NRXN3: variants seen among roughly 807,000 people sequenced by gnomAD.
NRXN3 encodes neurexin III.
Under a neutral mutation model 137.6 loss-of-function variants are expected in NRXN3, and 32 were observed. That is an observed-to-expected ratio of 0.23 (90% CI 0.18 to 0.31). The LOEUF (loss-of-function observed/expected upper bound fraction) is 0.31, where lower values mean the gene tolerates loss of function less well. Ranked by LOEUF, NRXN3 falls within the 10% of genes least tolerant of loss-of-function variation. The probability of loss-of-function intolerance (pLI) is 1.00; values close to 1 mark genes in which losing one functional copy is unlikely to be tolerated. For synonymous variants in NRXN3, 798 were observed against 784.5 expected (o/e 1.02, Z -0.29); for missense variants, 1,574 against 2,062.5 (o/e 0.76, Z 4.59).
intron 15 of NRXN3, among the ~76,000 whole-genome samples, chr14:79,307,876 A>G (rs1346656725): frequency 1.3e-5 from 2 of 151,796 alleles, no homozygotes; most frequent in African/African-American, 4.8e-5. Flanking sequence ...TAGGTTTGCC[A>G]TATGAAAGTA....
At chr14:78,406,346 A>AC (rs1477486555) in intron 4 of NRXN3, among the ~76,000 whole-genome samples, 2 of 151,590 alleles carry the variant, frequency 1.3e-5, no homozygotes, top group East Asian at 1.9e-4. Flanking sequence ...TCTGGACCCT[A>AC]CCCCCCCGGA....
At chr14:78,632,626 A>T (rs1377393517) in intron 4 of NRXN3, among the ~76,000 whole-genome samples, 1 of 152,200 alleles carries the variant, frequency 6.6e-6, no homozygotes, top group Admixed American at 6.5e-5. Context: ...TTATCATTTG[A>T]AAAATGGGCT....
chr14:79,593,037 T>C (rs998219434), intron 16 of NRXN3, among the ~76,000 whole-genome samples: 1 of 152,212 alleles, frequency 6.6e-6, no homozygotes, highest in African/African-American at 2.4e-5. Context: ...ATTTCACTTA[T>C]TTGACACTAC....
At chr14:78,649,331 GTC>G in intron 5 of NRXN3, 1 of 1,307,958 alleles carries the variant, frequency 7.6e-7, no homozygotes, top group South Asian at 1.3e-5. Flanking sequence ...CATTCTTATT[GTC>G]TCTTTTTTTG....
At chr14:79,701,403 G>A (rs992305935) in intron 19 of NRXN3, among the ~76,000 whole-genome samples, 2 of 152,106 alleles carry the variant, frequency 1.3e-5, no homozygotes, top group African/African-American at 2.4e-5. Flanking sequence ...AGAGATGATT[G>A]TGTTCACTCA....
intron 10 of NRXN3, among the ~76,000 whole-genome samples, chr14:78,871,315 A>G (rs1003541505): frequency 1.3e-5 from 2 of 151,868 alleles, no homozygotes; most frequent in Non-Finnish European, 2.9e-5. Context: ...GACAATCTAC[A>G]AGTTAATATG....
intron 4 of NRXN3, among the ~76,000 whole-genome samples, chr14:78,542,414 C>A (rs1183350678): frequency 6.6e-6 from 1 of 152,252 alleles, no homozygotes. Context: ...CCTCCCCCAG[C>A]CAGGCTGCCA....
At chr14:79,199,038 G>A (rs866902572) in intron 15 of NRXN3, among the ~76,000 whole-genome samples, 1 of 152,028 alleles carries the variant, frequency 6.6e-6, no homozygotes, top group South Asian at 2.1e-4. Flanking sequence ...TTGGTGACAT[G>A]CGCCTGTAGT....
intron 4 of NRXN3, among the ~76,000 whole-genome samples, chr14:78,398,565 A>G (rs1191833381): frequency 6.6e-6 from 1 of 152,086 alleles, no homozygotes; most frequent in Non-Finnish European, 1.5e-5. Flanking sequence ...CTGGCTTCCT[A>G]TGAGGCCTCC....
chr14:79,399,999 A>C (rs544309595), intron 15 of NRXN3, among the ~76,000 whole-genome samples: 1 of 152,242 alleles, frequency 6.6e-6, no homozygotes, highest in East Asian at 1.9e-4. Context: ...TGTGTGTGTG[A>C]GTGCATGTGT....
chr14:79,497,852 T>G (rs138473279), intron 16 of NRXN3, among the ~76,000 whole-genome samples: 18 of 152,028 alleles, frequency 1.2e-4, no homozygotes, highest in Admixed American at 2.6e-4. Flanking sequence ...CTGGCCAACA[T>G]AGTGAAACCC....
intron 8 of NRXN3, among the ~76,000 whole-genome samples, chr14:78,726,968 A>AACAAC (rs2098487309): frequency 6.6e-6 from 1 of 151,694 alleles, no homozygotes; most frequent in Non-Finnish European, 1.5e-5. Context: ...CTAAAAAAAA[A>AACAAC]AAAAAAAAAA....
intron 8 of NRXN3, among the ~76,000 whole-genome samples, chr14:78,784,371 T>C (rs915378627): frequency 2.6e-5 from 4 of 152,196 alleles, no homozygotes; most frequent in Non-Finnish European, 5.9e-5. Context: ...TGCTGGGCTG[T>C]AATGGACAAG....
intron 1 of NRXN3, among the ~76,000 whole-genome samples, chr14:78,217,698 G>C (rs4903726): frequency 2.0e-5 from 3 of 152,058 alleles, no homozygotes; most frequent in Admixed American, 1.3e-4. Context: ...GCCTTGCTCT[G>C]TCGCCTGGGC....
intron 15 of NRXN3, among the ~76,000 whole-genome samples, chr14:79,188,957 A>G (rs980552948): frequency 1.3e-5 from 2 of 152,152 alleles, no homozygotes; most frequent in African/African-American, 2.4e-5. Context: ...AACTAGTTCA[A>G]CCCTTGTGGA....
intron 15 of NRXN3, among the ~76,000 whole-genome samples, chr14:79,393,919 T>C (rs1322866323): frequency 6.6e-6 from 1 of 152,222 alleles, no homozygotes; most frequent in Non-Finnish European, 1.5e-5. Flanking sequence ...AATTTGTTAG[T>C]GAATACATTG....
In NRXN3 at chr14:78,709,308, T is replaced by G. The variant is rs1477046599; in HGVS notation, c.1313T>G (p.Phe438Cys). 2 of 1,613,978 alleles carry G rather than the reference T, an allele frequency of 1.2e-6. No individual in the cohort carries two copies. Among genetic ancestry groups the G allele is most frequent in the Non-Finnish European group, 1.7e-6 (2 of 1,180,002 alleles). The stretch of plus-strand genomic sequence containing the variant: ...ATGAAAATCTATGGCGAAGTTGTGT[T>G]TAAGTGTGAGAATGTGGCCACACTG... ...TKMKIYGEVV[F>C]KCENVATLDP... The change falls in exon 7 of 21, where the codon TTT becomes TGT. Residue 438 changes from phenylalanine to cysteine, a missense_variant. Coordinates refer to ENST00000335750, the MANE Select transcript of NRXN3 (RefSeq NM_001330195.2).
chr14:78,409,678 G>C (rs1001504985), intron 4 of NRXN3, among the ~76,000 whole-genome samples: 5 of 152,224 alleles, frequency 3.3e-5, no homozygotes, highest in African/African-American at 1.2e-4. Flanking sequence ...TCAAGAGGCT[G>C]AAAAGCAAAT....
chr14:79,373,619 T>C (rs1333279991), intron 15 of NRXN3, among the ~76,000 whole-genome samples: 1 of 152,204 alleles, frequency 6.6e-6, no homozygotes, highest in East Asian at 1.9e-4. Context: ...GTGGCTATAA[T>C]TACAGGATTG....
Sources: allele counts gnomAD v4.1 joint callset (sites outside exome capture counted in the v4.1 genomes callset), GRCh38; gene constraint gnomAD v4.1.1; transcripts MANE v1.5; gene names NCBI Gene and HGNC (gene_info 2026-07-23, HGNC 2026-07-21).